Variants in MEFV observed in about 807,000 individuals in gnomAD.
The protein encoded by MEFV is MEFV innate immunity regulator, pyrin.
A neutral mutation model predicts 62.5 loss-of-function variants in MEFV; 60 were observed. The observed-to-expected ratio is 0.96, with a 90% CI of 0.78 to 1.19. The LOEUF (loss-of-function observed/expected upper bound fraction) is 1.19, where lower values mean the gene tolerates loss of function less well. Ranked by LOEUF, MEFV falls within the 50% of genes most tolerant of loss-of-function variation. MEFV has a pLI of 0.00. For missense variants in MEFV, 1,169 were observed against 1,004.5 expected (o/e 1.16, Z -2.21); for synonymous variants, 500 against 415.2 (o/e 1.20, Z -2.48).
chr16:3,252,105 G>T, intron 2 of MEFV: 1 of 260,478 alleles, frequency 3.8e-6, no homozygotes, highest in Non-Finnish European at 8.1e-6. Flanking sequence ...AAATTAGGGG[G>T]GAAATACTTC....
chr16:3,246,884 C>T, intron 5 of MEFV, 132 bp downstream of exon 5: 1 of 918,338 alleles, frequency 1.1e-6, no homozygotes, highest in Non-Finnish European at 1.8e-6. Context: ...TGTGGGTCAC[C>T]AAGACCAAGT....
Position 3,243,669 on chromosome 16 carries a change from G to C in MEFV, c.1818C>G (p.Thr606=), listed in dbSNP as rs104895213. 4 of 1,607,068 alleles carry C rather than the reference G, an allele frequency of 2.5e-6. No individual in the cohort carries two copies. Among genetic ancestry groups the C allele is most frequent in the Non-Finnish European group, 3.4e-6 (4 of 1,176,766 alleles). The change falls in exon 10 of 10, where the codon ACC becomes ACG. Residue 606 remains threonine (T), a synonymous_variant. Coordinates refer to ENST00000219596, the MANE Select transcript of MEFV (RefSeq NM_000243.3). ...HAVNVILDAE[T]AYPNLIFSDD... is the part of the protein sequence containing the mutation. ...CAGAGAAGATGAGGTTGGGGTAAGCGGTTTCTGCATCCAGAATCACATTAA... is the reference window on the plus strand; with the variant it reads ...CAGAGAAGATGAGGTTGGGGTAAGCCGTTTCTGCATCCAGAATCACATTAA...
Position 3,255,436 on chromosome 16 carries a change from C to G in MEFV, c.278-646G>C, listed in dbSNP as rs115616995. Among the ~76,000 whole-genome samples the G allele has an allele frequency of 5.7e-3, 869 of 152,170 alleles. 4 individuals carry two copies. Among genetic ancestry groups the G allele is most frequent in the African/African-American group, 0.02 (824 of 41,522 alleles). On this transcript the variant is annotated intron_variant, in intron 1 of 9. Coordinates refer to ENST00000219596, the MANE Select transcript of MEFV (RefSeq NM_000243.3). ...CTTATTTTATTTTTTGAGACAGGAT[C>G]TTGCTCTGTTGCCCTGATGTGATCT...
In MEFV at chr16:3,249,605, C is replaced by G. The variant is rs1462255780; in HGVS notation, c.1086G>C (p.Lys362Asn). ...GCTGGGGGCTTAGGCTTCCCGGGCT[C>G]TTCCTTTCATGGGAGTCCTGGCACC... ...CPRCQDSHER[K>N]SPGSLSPQPL... Residue 362 changes from lysine to asparagine, a missense_variant, in exon 3 of 10, where the codon AAG (lysine) becomes AAC (asparagine). Physicochemically the swap from Lys to Asn is moderately conservative, Grantham distance 94. Coordinates refer to ENST00000219596, the MANE Select transcript of MEFV (RefSeq NM_000243.3). The G allele has an allele frequency of 5.6e-6, 9 of 1,614,058 alleles. No homozygotes were observed. The highest frequency in any genetic ancestry group is 1.3e-5 in the African/African-American group (1 of 74,946).
chr16:3,247,347 T>G, intron 4 of MEFV, 101 bp from the exon 5 acceptor site: 1 of 977,294 alleles, frequency 1.0e-6, no homozygotes, highest in Non-Finnish European at 1.6e-6. Flanking sequence ...GGATAAGAGG[T>G]GGGCTTATGC....
chr16:3,248,691 A>C, intron 4 of MEFV: 2 of 1,393,238 alleles, frequency 1.4e-6, no homozygotes, highest in Non-Finnish European at 1.9e-6. Context: ...GAGTATGAGA[A>C]AGCATGACAG....
At chr16:3,250,761 C>T (rs1959019294) in intron 2 of MEFV, among the ~76,000 whole-genome samples, 1 of 151,500 alleles carries the variant, frequency 6.6e-6, no homozygotes, top group Admixed American at 6.6e-5. Context: ...CGCAGTGGCT[C>T]ACGCCTGTAA....
intron 2 of MEFV, among the ~76,000 whole-genome samples, chr16:3,252,616 C>T (rs1342261239): frequency 1.3e-5 from 2 of 151,814 alleles, no homozygotes; most frequent in Admixed American, 1.3e-4. Context: ...GCTGTGATTT[C>T]TCCTCTCCAG....
rs11466031 is a variant in MEFV at position 3,246,869 on chromosome 16, G to A, written c.1587+147C>T. 2.7e-3 allele frequency: 2,182 copies of A among 819,220 alleles called. 23 individuals carry two copies. In the African/African-American group the frequency reaches 0.03, roughly 11 times the overall value. 50.7% of individuals were successfully genotyped at this position (819,220 alleles called of 1,614,324 possible). A position where few individuals can be genotyped will look rare whatever the true frequency, so the allele number is the denominator to read the frequency against. On this transcript the variant is annotated intron_variant, in intron 5 of 9. Transcript: ENST00000219596. ...TCATCAAAGGGGTCTGGGCACAAGA[G>A]GCACTGTGGGTCACCAAGACCAAGT... is the stretch of plus-strand genomic sequence containing the variant.
At chr16:3,250,850 C>G (rs140803908) in intron 2 of MEFV, among the ~76,000 whole-genome samples, 30 of 151,516 alleles carry the variant, frequency 2.0e-4, no homozygotes, top group Non-Finnish European at 3.8e-4. Context: ...ATGGTGAAAC[C>G]CTGTCTCTAC....
rs991495953 is a variant in MEFV at position 3,242,808 on chromosome 16, T to G, written c.*333A>C. 7.4e-6 allele frequency: 3 copies of G among 406,782 alleles called. No individual in the cohort carries two copies. The highest frequency in any genetic ancestry group is 4.1e-5 in the African/African-American group (2 of 48,898). 25.2% of individuals were successfully genotyped at this position (406,782 alleles called of 1,614,324 possible). A position where few individuals can be genotyped will look rare whatever the true frequency, so the allele number is the denominator to read the frequency against. On this transcript the variant is annotated 3_prime_UTR_variant, in exon 10 of 10. Transcript: ENST00000219596. ...AGAGAGAACAAGGGGACATATATCC[T>G]TGCCGTGGGGTTCTGAGGGAAAATG...
At chr16:3,253,316 G>A (rs1201404321) in intron 2 of MEFV, among the ~76,000 whole-genome samples, 1 of 152,016 alleles carries the variant, frequency 6.6e-6, no homozygotes, top group Non-Finnish European at 1.5e-5. Context: ...AGCATGCTGG[G>A]GACAGCGCCT....
In MEFV at chr16:3,244,258, G is replaced by T. The variant is rs11466043; in HGVS notation, c.1755C>A (p.Phe585Leu). ...SETLRSEMEMFNVPELIGAQA... is the reference protein window; with the variant it reads ...SETLRSEMEMLNVPELIGAQA... ...CACCATTACCGCTGGACTCACCATT[G>T]AACATTTCCATTTCTGAACGCAGGG... The change falls in exon 8 of 10, where the codon TTC (phenylalanine) becomes TTA (leucine). Residue 585 changes from phenylalanine (F) to leucine (L), a missense_variant. Transcript: ENST00000219596. 3.1e-6 allele frequency: 5 copies of T among 1,613,892 alleles called. 1 individual carries two copies. Among genetic ancestry groups the T allele is most frequent in the Admixed American group, 1.7e-5 (1 of 59,978 alleles).
At chr16:3,244,684 A>T (rs1958912897) in intron 6 of MEFV, 96 bp from the exon 7 acceptor site, 1 of 887,888 alleles carries the variant, frequency 1.1e-6, no homozygotes, top group Non-Finnish European at 1.9e-6. Flanking sequence ...CACAGGGCAC[A>T]CCTAGCCCAG....
chr16:3,251,852 T>G (rs1348302029), intron 2 of MEFV: 1 of 163,896 alleles, frequency 6.1e-6, no homozygotes, highest in Non-Finnish European at 1.4e-5. Context: ...CATATATGCA[T>G]TTTTCAGGGT....
At chr16:3,252,658 G>T (rs1959054327) in intron 2 of MEFV, among the ~76,000 whole-genome samples, 1 of 151,880 alleles carries the variant, frequency 6.6e-6, no homozygotes, top group Non-Finnish European at 1.5e-5. Context: ...TGTTCCATAG[G>T]CTGGGTGTAG....
chr16:3,252,578 C>T (rs948235061), intron 2 of MEFV, among the ~76,000 whole-genome samples: 2 of 151,666 alleles, frequency 1.3e-5, no homozygotes, highest in African/African-American at 4.9e-5. Flanking sequence ...CCGGCCTGGA[C>T]CCCCAATTCT....
At chr16:3,244,352 G>T in intron 7 of MEFV, 66 bp from the exon 8 acceptor site, 1 of 1,612,272 alleles carries the variant, frequency 6.2e-7, no homozygotes, top group South Asian at 1.1e-5. Context: ...ACAGATGGAG[G>T]AGAGGTTGAA....
chr16:3,246,437 C>T, intron 6 of MEFV, 88 bp downstream of exon 6: 1 of 1,492,596 alleles, frequency 6.7e-7, no homozygotes, highest in Non-Finnish European at 9.3e-7. Flanking sequence ...GGGTTGGGAA[C>T]ATCTCCCTCC....
Sources: gnomAD v4.1 joint callset for allele counts (sites outside exome capture counted in the v4.1 genomes callset) on GRCh38, gnomAD v4.1.1 for gene constraint, MANE v1.5 for transcripts, NCBI Gene and HGNC (gene_info 2026-07-23, HGNC 2026-07-21) for gene names.